Variants in TMCO4 observed in about 807,000 individuals in gnomAD.
TMCO4 encodes the protein transmembrane and coiled-coil domain-containing protein 4.
A neutral mutation model predicts 64.7 loss-of-function variants in TMCO4; 58 were observed. The observed-to-expected ratio is 0.90, with a 90% confidence interval of 0.73 to 1.12. The LOEUF (loss-of-function observed/expected upper bound fraction) is 1.12. TMCO4 is among the 50% of genes most tolerant of loss of function. The pLI is 0.00. For missense variants in TMCO4, 780 were observed against 825.9 expected (o/e 0.94, Z 0.68); for synonymous variants, 325 against 346.1 (o/e 0.94, Z 0.68).
rs55842212 is a variant in TMCO4 at position 19,697,773 on chromosome 1, ATT to A, written c.1382+2993_1382+2994del. ...GCCACCATGCCTGGCTAATTTTTGT[ATT>A]TTTTTTTTTTTTTTTTGTGGACACA... On this transcript the variant is annotated intron_variant, in intron 14 of 15. Transcript: ENST00000294543. Among the ~76,000 whole-genome samples the A allele has an allele frequency of 8.0e-3, 1,010 of 125,512 alleles. 9 individuals are homozygous for A. Among genetic ancestry groups the A allele is most frequent in the African/African-American group, 0.023 (788 of 33,610 alleles). The allele number at this position is 125,512 out of a possible 152,430, so 82.3% of individuals were successfully genotyped here.
At chr1:19,745,675 A>G (rs779024121) in intron 9 of TMCO4, 24 bp from the exon 10 acceptor site, 10 of 1,586,822 alleles carry the variant, frequency 6.3e-6, no homozygotes, top group Admixed American at 1.7e-5. Flanking sequence ...TCCGAGAAAG[A>G]GAATGGAGGT....
At chr1:19,784,873 C>T (rs1322550641) in intron 3 of TMCO4, among the ~76,000 whole-genome samples, 4 of 130,098 alleles carry the variant, frequency 3.1e-5, no homozygotes, top group Admixed American at 7.8e-5. Context: ...AAAAAAATTT[C>T]GCAAGACAAC....
intron 13 of TMCO4, among the ~76,000 whole-genome samples, chr1:19,733,467 C>T (rs1357549590): frequency 2.0e-5 from 3 of 152,086 alleles, no homozygotes; most frequent in African/African-American, 7.2e-5. Context: ...CATCAAGCAC[C>T]TAGTATGTGC....
rs1200379623 is a variant in TMCO4 at position 19,734,534 on chromosome 1, T to G, written c.1264+2838A>C. ...TTTCCCCAGCGTTGAACCAGTTGTT[T>G]CCAACTCCTTAGCCTGGCACAGTGC... On this transcript the variant is annotated intron_variant, in intron 13 of 15. Transcript: ENST00000294543. The surrounding 1 kb of genome is among the most constrained non-coding windows in gnomAD (Gnocchi z 4.4). Among the ~76,000 whole-genome samples the G allele has an allele frequency of 6.6e-6, 1 of 152,058 alleles. No homozygotes were observed. The highest frequency in any genetic ancestry group is 1.9e-4 in the East Asian group (1 of 5,188).
At chr1:19,782,188 G>A (rs563469617) in intron 3 of TMCO4, among the ~76,000 whole-genome samples, 1 of 152,266 alleles carries the variant, frequency 6.6e-6, no homozygotes, top group African/African-American at 2.4e-5. Flanking sequence ...TGGATAAATG[G>A]TCATATTCAT....
chr1:19,693,033 TGTG>T (rs2095209154), intron 15 of TMCO4, among the ~76,000 whole-genome samples: 1 of 150,168 alleles, frequency 6.7e-6, no homozygotes. Flanking sequence ...ATTAGCTAGA[TGTG>T]GTGGTGCACA....
chr1:19,757,956 C>T (rs916016156), intron 6 of TMCO4, among the ~76,000 whole-genome samples: 7 of 152,342 alleles, frequency 4.6e-5, no homozygotes, highest in African/African-American at 1.7e-4. Flanking sequence ...CTCACCTTCC[C>T]TGTGTGCCCT....
At chr1:19,795,264 A>T (rs780186623) in intron 2 of TMCO4, among the ~76,000 whole-genome samples, 1 of 152,114 alleles carries the variant, frequency 6.6e-6, no homozygotes, top group African/African-American at 2.4e-5. Flanking sequence ...TGAGGTCAGG[A>T]GTTCGAGACT....
intron 2 of TMCO4, among the ~76,000 whole-genome samples, chr1:19,797,259 G>T (rs2044351508): frequency 6.6e-6 from 1 of 152,166 alleles, no homozygotes; most frequent in Admixed American, 6.5e-5. Flanking sequence ...ATTAATCCCA[G>T]CAATGAGAGT....
intron 15 of TMCO4, among the ~76,000 whole-genome samples, chr1:19,691,459 T>C (rs934953410): frequency 1.3e-5 from 2 of 152,118 alleles, no homozygotes; most frequent in Admixed American, 1.3e-4. Flanking sequence ...TGGTGAAGTT[T>C]TGATTTTGTT....
intron 13 of TMCO4, among the ~76,000 whole-genome samples, chr1:19,719,123 C>T (rs2095370275): frequency 1.3e-5 from 2 of 152,154 alleles, no homozygotes; most frequent in Admixed American, 1.3e-4. Flanking sequence ...CAGGCAGGCA[C>T]CTTATAAAGA....
At chr1:19,725,168 T>C (rs2095403395) in intron 13 of TMCO4, among the ~76,000 whole-genome samples, 1 of 152,178 alleles carries the variant, frequency 6.6e-6, no homozygotes, top group Non-Finnish European at 1.5e-5. Flanking sequence ...CAGGATTGAC[T>C]AATGGACCCT....
chr1:19,711,669 T>A (rs2095331365), intron 13 of TMCO4, among the ~76,000 whole-genome samples: 1 of 151,998 alleles, frequency 6.6e-6, no homozygotes, highest in Non-Finnish European at 1.5e-5. Flanking sequence ...TTTGCTTTTT[T>A]TTTTTGAGAC....
chr1:19,796,412 C>T (rs1270396337), intron 2 of TMCO4, among the ~76,000 whole-genome samples: 1 of 151,984 alleles, frequency 6.6e-6, no homozygotes, highest in African/African-American at 2.4e-5. Context: ...ACATAATGGC[C>T]GGTTGCTAAT....
intron 2 of TMCO4, among the ~76,000 whole-genome samples, chr1:19,793,405 G>A (rs1418383061): frequency 1.3e-5 from 2 of 152,174 alleles, no homozygotes; most frequent in African/African-American, 4.8e-5. Flanking sequence ...AAAGATCATA[G>A]TTGAAGGTTA....
intron 13 of TMCO4, among the ~76,000 whole-genome samples, chr1:19,707,048 G>T (rs2095306409): frequency 6.6e-6 from 1 of 152,168 alleles, no homozygotes; most frequent in East Asian, 1.9e-4. Flanking sequence ...ACCTCCCAGG[G>T]GACCCATCTC....
At chr1:19,694,625 G>C in intron 14 of TMCO4, 74 bp from the exon 15 acceptor site, 1 of 1,397,352 alleles carries the variant, frequency 7.2e-7, no homozygotes, top group Middle Eastern at 1.9e-4. Context: ...GGGCCAGGCT[G>C]CCTCCTGGGG....
chr1:19,736,891 GA>G (rs1289970910), intron 13 of TMCO4, among the ~76,000 whole-genome samples: 27 of 152,220 alleles, frequency 1.8e-4, no homozygotes, highest in Non-Finnish European at 4.0e-4. Flanking sequence ...CACCCTGGAT[GA>G]GAGTGGGCCC....
At chr1:19,724,075 G>A (rs1042127124) in intron 13 of TMCO4, among the ~76,000 whole-genome samples, 2 of 152,304 alleles carry the variant, frequency 1.3e-5, no homozygotes, top group South Asian at 2.1e-4. Context: ...GAAAGAGCCT[G>A]GGGGCTGGTC....
Sources: allele counts gnomAD v4.1 joint callset (sites outside exome capture counted in the v4.1 genomes callset), GRCh38; gene constraint gnomAD v4.1.1; non-coding constraint Gnocchi (gnomAD v3.1); transcripts MANE v1.5; gene names NCBI Gene and HGNC (gene_info 2026-07-23, HGNC 2026-07-21).